Variants in DISP1 observed in about 807,000 individuals in gnomAD.
The protein encoded by DISP1 is dispatched RND transporter family member 1, also known as protein dispatched homolog 1.
A neutral mutation model predicts 37.3 loss-of-function variants in DISP1; 30 were observed. The ratio of observed to expected loss-of-function variants is 0.80; its 90% CI spans 0.60 to 1.09. DISP1 has a LOEUF of 1.09. DISP1 is among the 50% of genes least tolerant of loss of function. The pLI is 0.00. For synonymous variants in DISP1, 634 were observed against 690.2 expected (o/e 0.92, Z 1.28); for missense variants, 1,598 against 1,879.5 (o/e 0.85, Z 2.77).
intron 3 of DISP1, among the ~76,000 whole-genome samples, chr1:222,961,269 C>A (rs1315707089): frequency 6.6e-6 from 1 of 152,208 alleles, no homozygotes; most frequent in Non-Finnish European, 1.5e-5. Flanking sequence ...AGCTTATCCG[C>A]CATGATCAAG....
At chr1:222,991,196 C>G (rs532019872) in intron 5 of DISP1, among the ~76,000 whole-genome samples, 1 of 152,054 alleles carries the variant, frequency 6.6e-6, no homozygotes, top group Non-Finnish European at 1.5e-5. Context: ...AAATACAGTG[C>G]GTAACATGAT....
At chr1:222,841,611 T>C (rs74145581) in intron 1 of DISP1, among the ~76,000 whole-genome samples, 4,195 of 152,280 alleles carry the variant, frequency 0.028, 181 homozygotes, top group African/African-American at 0.093. Context: ...AGTGGGGCTT[T>C]TGTTATTTAT....
chr1:222,986,438 T>G (rs1317682557), intron 4 of DISP1, among the ~76,000 whole-genome samples: 1 of 152,234 alleles, frequency 6.6e-6, no homozygotes, highest in Non-Finnish European at 1.5e-5. Context: ...GATACTTCGT[T>G]TATTTGTTTT....
chr1:222,995,681 T>C (rs990653880), intron 8 of DISP1, among the ~76,000 whole-genome samples: 2 of 152,218 alleles, frequency 1.3e-5, no homozygotes, highest in South Asian at 2.1e-4. Context: ...TGTTCAGAGA[T>C]AGTTTCTCTA....
chr1:223,002,312 C>T, intron 8 of DISP1, 73 bp from the exon 9 acceptor site: 2 of 1,340,112 alleles, frequency 1.5e-6, no homozygotes, highest in Non-Finnish European at 2.1e-6. Context: ...CACCTTAGTG[C>T]AGTCCTTTCC....
At chr1:222,846,934 C>T (rs964768266) in intron 1 of DISP1, among the ~76,000 whole-genome samples, 1 of 152,106 alleles carries the variant, frequency 6.6e-6, no homozygotes, top group African/African-American at 2.4e-5. Flanking sequence ...AGCTTCTCAA[C>T]AGTATTTAAA....
chr1:222,941,124 G>A (rs1330302695), intron 2 of DISP1, among the ~76,000 whole-genome samples: 1 of 152,172 alleles, frequency 6.6e-6, no homozygotes, highest in African/African-American at 2.4e-5. Flanking sequence ...TTTAGAAAAT[G>A]ATGAGATTAG....
Position 222,839,026 on chromosome 1 carries a change from G to C in DISP1, c.-159+23948G>C, listed in dbSNP as rs766163323. Among the ~76,000 whole-genome samples the C allele has an allele frequency of 2.0e-5, 3 of 152,120 alleles. No homozygotes were observed. The South Asian group carries it at 6.2e-4, about 32-fold the overall frequency. The stretch of plus-strand genomic sequence containing the variant: ...AATCTTGGGAACTCTGTGTGCATGG[G>C]TTTCACTCTAGGGCTGTTAGTTGAA... On this transcript the variant is annotated intron_variant, in intron 1 of 8. Transcript: ENST00000675850.
At chr1:222,869,704 T>C (rs1197676333) in intron 1 of DISP1, among the ~76,000 whole-genome samples, 2 of 152,030 alleles carry the variant, frequency 1.3e-5, no homozygotes, top group African/African-American at 4.8e-5. Flanking sequence ...TAAAGAAAAA[T>C]AGAGGGATTT....
chr1:222,869,308 A>G (rs766825211), intron 1 of DISP1, among the ~76,000 whole-genome samples: 1 of 152,208 alleles, frequency 6.6e-6, no homozygotes, highest in Non-Finnish European at 1.5e-5. Context: ...TTCACATAGC[A>G]CTAACAAAGT....
intron 1 of DISP1, among the ~76,000 whole-genome samples, chr1:222,876,002 G>A (rs984871571): frequency 1.3e-5 from 2 of 151,174 alleles, no homozygotes; most frequent in South Asian, 2.1e-4. Context: ...TGTACAAACA[G>A]CCAGGGAAAT....
chr1:222,827,157 C>T (rs1314144095), intron 1 of DISP1: 3 of 152,084 alleles, frequency 2.0e-5, no homozygotes, highest in South Asian at 2.1e-4. Flanking sequence ...TCTTCTGTAC[C>T]GGTAGAGACA....
At position 222,983,005 on chromosome 1, in the gene DISP1, AAAG is replaced by A. The variant is rs1357112023; in HGVS notation, c.510-74_510-72del. On this transcript the variant is annotated intron_variant, in intron 3 of 8. Transcript: ENST00000675850. Reference sequence around the variant, plus strand: ...CAAGTAAAATGTTCAACACATATGTAAAGCCTTTGTTTATGTTATGATGTTTAT... The same window carrying A: ...CAAGTAAAATGTTCAACACATATGTACCTTTGTTTATGTTATGATGTTTAT... 5 of 1,131,278 alleles carry A rather than the reference AAAG, an allele frequency of 4.4e-6. No homozygotes were observed. In the African/African-American group the frequency reaches 6.3e-5, roughly 14 times the overall value. The allele number at this position is 1,131,278 out of a possible 1,614,324, so 70.1% of individuals were successfully genotyped here.
rs1678400763 is a variant in DISP1 at position 222,988,031 on chromosome 1, C to T, written c.540-2594C>T. ...GAGAATATTTTTGCACAGGGTGTGT[C>T]CTAGAAGTGTGAAAGCTTCTAGACA... On this transcript the variant is annotated intron_variant, in intron 4 of 8. Transcript: ENST00000675850. Among the ~76,000 whole-genome samples the T allele has an allele frequency of 2.6e-5, 4 of 152,246 alleles. No homozygotes were observed. The South Asian group carries it at 8.3e-4, about 32-fold the overall frequency.
chr1:222,936,949 AC>A (rs1673943952), intron 2 of DISP1, among the ~76,000 whole-genome samples: 1 of 85,478 alleles, frequency 1.2e-5, no homozygotes. Context: ...ATTATATATT[AC>A]ATATTATATT....
In DISP1 at chr1:223,004,149, G is replaced by A; in HGVS notation, c.2752G>A (p.Asp918Asn). The change falls in exon 9 of 9, where the codon GAT (aspartate) becomes AAT (asparagine). Residue 918 changes from aspartate (D) to asparagine (N), a missense_variant. By Grantham distance (23) the Asp-to-Asn change is conservative. Coordinates refer to ENST00000675850, the MANE Select transcript of DISP1 (RefSeq NM_001377229.1). The surrounding 1 kb of genome is among the most constrained non-coding windows in gnomAD (Gnocchi z 4.9). Reference sequence around the variant, plus strand: ...CCCAGGGCCGAGGTTTGATATCAATGATACTATCAGGGCAGTGGTGTTAGA... The same window carrying A: ...CCCAGGGCCGAGGTTTGATATCAATAATACTATCAGGGCAGTGGTGTTAGA... The part of the protein sequence containing the change: ...KTPGPRFDIN[D>N]TIRAVVLEFQ... 2 of 1,614,186 alleles carry A rather than the reference G, an allele frequency of 1.2e-6. No individual in the cohort carries two copies. The highest frequency in any genetic ancestry group is 1.7e-6 in the Non-Finnish European group (2 of 1,180,032).
chr1:222,944,138 T>C (rs1344978479), intron 3 of DISP1, among the ~76,000 whole-genome samples: 1 of 152,240 alleles, frequency 6.6e-6, no homozygotes, highest in East Asian at 1.9e-4. Context: ...CTATGTGGTA[T>C]GCTGAGATCA....
intron 1 of DISP1, among the ~76,000 whole-genome samples, chr1:222,854,042 AT>A (rs1321441022): frequency 6.6e-6 from 1 of 152,192 alleles, no homozygotes; most frequent in Non-Finnish European, 1.5e-5. Flanking sequence ...TCTCATCAAG[AT>A]TTTTGTGCCT....
Position 222,950,840 on chromosome 1 carries a change from A to T in DISP1, c.509+7508A>T, listed in dbSNP as rs1306525856. On this transcript the variant is annotated intron_variant, in intron 3 of 8. Transcript: ENST00000675850. ...CGTATTAAAGTGAAAGAGTAGTGGT[A>T]TTATTGCAAAATTAATAAGGAGTTC... is the stretch of plus-strand genomic sequence containing the variant. Among the ~76,000 whole-genome samples, 2 of 152,216 alleles carry T rather than the reference A, an allele frequency of 1.3e-5. 1 individual carries two copies.
Sources: allele counts gnomAD v4.1 joint callset (sites outside exome capture counted in the v4.1 genomes callset), GRCh38; gene constraint gnomAD v4.1.1; non-coding constraint Gnocchi (gnomAD v3.1); transcripts MANE v1.5; gene names NCBI Gene and HGNC (gene_info 2026-07-23, HGNC 2026-07-21).